NPTX2: variants seen among roughly 807,000 people sequenced by gnomAD.
NPTX2 encodes the protein neuronal pentraxin-2.
Under a neutral mutation model 38.1 loss-of-function variants are expected in NPTX2, and 23 were observed. The observed-to-expected ratio is 0.60, with a 90% CI of 0.43 to 0.85. NPTX2 has a LOEUF of 0.85. NPTX2 is among the 40% of genes least tolerant of loss of function. NPTX2 has a pLI of 0.00. For synonymous variants in NPTX2, 291 were observed against 287.3 expected, an observed-to-expected ratio of 1.01 and a Z score of -0.13; for missense variants, 553 against 615.3, an observed-to-expected ratio of 0.90 and a Z score of 1.07.
At chr7:98,626,138 C>A (rs1299610049) in intron 3 of NPTX2, among the ~76,000 whole-genome samples, 9 of 138,358 alleles carry the variant, frequency 6.5e-5, no homozygotes, top group African/African-American at 2.6e-4. Context: ...CAGAGCGATA[C>A]CCTGTCTCAA....
intron 1 of NPTX2, among the ~76,000 whole-genome samples, chr7:98,618,140 G>T (rs1791204836): frequency 1.3e-5 from 2 of 152,218 alleles, no homozygotes; most frequent in Non-Finnish European, 2.9e-5. Context: ...CGTCGGGACT[G>T]CCAGCGGGAT....
At chr7:98,621,578 T>C (rs973217184) in intron 2 of NPTX2, among the ~76,000 whole-genome samples, 6 of 152,178 alleles carry the variant, frequency 3.9e-5, no homozygotes, top group Admixed American at 3.9e-4. Flanking sequence ...GCCCTCCACA[T>C]GTACTATGAT....
chr7:98,625,872 A>G (rs1326134550), intron 3 of NPTX2, among the ~76,000 whole-genome samples: 1 of 151,978 alleles, frequency 6.6e-6, no homozygotes, highest in Non-Finnish European at 1.5e-5. Flanking sequence ...AGGGCTGGGC[A>G]TGGTAGCTCA....
Position 98,629,356 on chromosome 7 carries a change from G to A in NPTX2, c.*727G>A, listed in dbSNP as rs1201976701. On this transcript the variant is annotated 3_prime_UTR_variant, in exon 5 of 5. Coordinates refer to ENST00000265634, the MANE Select transcript of NPTX2 (RefSeq NM_002523.3). ...CTTTGACTGAATCATCACTAGCTAT[G>A]GCATTAAAAGGCCTCTCTTCTCATC... The A allele has an allele frequency of 2.0e-5, 3 of 152,560 alleles. No homozygotes were observed. Among genetic ancestry groups the A allele is most frequent in the Non-Finnish European group, 4.4e-5 (3 of 68,054 alleles). 9.5% of individuals were successfully genotyped at this position (152,560 alleles called of 1,614,324 possible). A position where few individuals can be genotyped will look rare whatever the true frequency, so the allele number is the denominator to read the frequency against.
At chr7:98,621,185 C>G (rs1295165975) in intron 2 of NPTX2, among the ~76,000 whole-genome samples, 1 of 152,106 alleles carries the variant, frequency 6.6e-6, no homozygotes, top group Non-Finnish European at 1.5e-5. Flanking sequence ...ATGGCTTTGG[C>G]CACCCAGAAG....
chr7:98,627,349 G>T lies in NPTX2; in HGVS notation c.1068+5G>T. 6.2e-7 allele frequency: 1 copy of T among 1,612,484 alleles called. No individual in the cohort carries two copies. The highest frequency in any genetic ancestry group is 8.5e-7 in the Non-Finnish European group (1 of 1,179,544). ...CTGATCCTTGGACAAGAGCAGGTGGGTGCAGGGCAGGTGCAGGTGGGCACA... is the reference window on the plus strand; with the variant it reads ...CTGATCCTTGGACAAGAGCAGGTGGTTGCAGGGCAGGTGCAGGTGGGCACA... On this transcript the variant is annotated splice_donor_5th_base_variant and intron_variant, in intron 4 of 4. Coordinates refer to ENST00000265634, the MANE Select transcript of NPTX2 (RefSeq NM_002523.3).
At chr7:98,623,769 G>A (rs890582951) in intron 2 of NPTX2, among the ~76,000 whole-genome samples, 5 of 152,118 alleles carry the variant, frequency 3.3e-5, no homozygotes, top group African/African-American at 1.2e-4. Context: ...GGGTGCCTGG[G>A]TCCCTGTAAG....
rs1415396475 is a variant in NPTX2 at position 98,625,158 on chromosome 7, A to G, written c.880A>G (p.Asn294Asp). The change falls in exon 3 of 5, where the codon AAC (asparagine) becomes GAC (aspartate). Residue 294 changes from asparagine (N) to aspartate (D), a missense_variant. Asn to Asp is a conservative substitution (Grantham distance 23). Coordinates refer to ENST00000265634, the MANE Select transcript of NPTX2 (RefSeq NM_002523.3). ...CAACAACCCCATCGAGCTGCTCATC[A>G]ACGACAAGGTGAGGCCCGCCTGCAC... ...WGNNPIELLI[N>D]DKVAQLPLFV... 6 of 1,589,950 alleles carry G rather than the reference A, an allele frequency of 3.8e-6. No individual in the cohort carries two copies. The highest frequency in any genetic ancestry group is 5.2e-6 in the Non-Finnish European group (6 of 1,164,294).
chr7:98,619,951 T>A lies in NPTX2; in HGVS notation c.643+92T>A, dbSNP rs571893752. 2.4e-5 allele frequency: 27 copies of A among 1,117,656 alleles called. No homozygotes were observed. The East Asian group carries it at 6.9e-4, about 29-fold the overall frequency. The allele number at this position is 1,117,656 out of a possible 1,614,324, so 69.2% of individuals were successfully genotyped here. On this transcript the variant is annotated intron_variant, in intron 2 of 4. Coordinates refer to ENST00000265634, the MANE Select transcript of NPTX2 (RefSeq NM_002523.3). ...GATTCTGGTTGATGGACAGCAGGGA[T>A]TGTGACACCACATGGGCCTGGTTCC...
At chr7:98,624,569 T>TCTTTCCAGGC (rs1276333845) in intron 2 of NPTX2, among the ~76,000 whole-genome samples, 1 of 152,084 alleles carries the variant, frequency 6.6e-6, no homozygotes, top group Non-Finnish European at 1.5e-5. Flanking sequence ...CTTCTGCAGG[T>TCTTTCCAGGC]CTTTCCAGGC....
At position 98,618,257 on chromosome 7, in the gene NPTX2, T is replaced by C. The variant is rs368043105; in HGVS notation, c.426+370T>C. 9.9e-5 allele frequency among the ~76,000 whole-genome samples: 15 copies of C among 151,690 alleles called. No homozygotes were observed. The South Asian group carries it at 2.7e-3, about 27-fold the overall frequency. ...CTCTATCCTCTTGCAAATCTCCAAA[T>C]CTCCGCGAGCCGGGATGCGCTCCCG... On this transcript the variant is annotated intron_variant, in intron 1 of 4. Transcript: ENST00000265634.
At position 98,625,050 on chromosome 7, in the gene NPTX2, T is replaced by C. The variant is rs775537036; in HGVS notation, c.772T>C (p.Ser258Pro). Residue 258 changes from serine to proline, a missense_variant, in exon 3 of 5, where the codon TCC becomes CCC. Ser to Pro is a moderately conservative substitution (Grantham distance 74, BLOSUM62 -1). Transcript: ENST00000265634. ...CTTCACCATCTGCCTGTGGCTGCGG[T>C]CCAGCGCCTCACCAGGCATTGGCAC... ...YAFTICLWLR[S>P]SASPGIGTPF... 1.9e-6 allele frequency: 3 copies of C among 1,613,408 alleles called. No homozygotes were observed. In the East Asian group the frequency reaches 6.7e-5, roughly 36 times the overall value.
Position 98,617,620 on chromosome 7 carries a change from G to C in NPTX2, c.159G>C (p.Gln53His). ...CGATGCCCATGCAGGGCGGCGCGCA[G>C]AGTCCCGAGGAGGAGCTGAGGGCCG... ...LPAMPMQGGA[Q>H]SPEEELRAAV... The change falls in exon 1 of 5, where the codon CAG (glutamine) becomes CAC (histidine). Residue 53 changes from glutamine to histidine, a missense_variant. Coordinates refer to ENST00000265634, the MANE Select transcript of NPTX2 (RefSeq NM_002523.3). The C allele has an allele frequency of 6.7e-7, 1 of 1,489,304 alleles. No individual in the cohort carries two copies. The highest frequency in any genetic ancestry group is 8.9e-7 in the Non-Finnish European group (1 of 1,127,698). 92.3% of individuals were successfully genotyped at this position (1,489,304 alleles called of 1,614,324 possible). A position where few individuals can be genotyped will look rare whatever the true frequency, so the allele number is the denominator to read the frequency against.
chr7:98,623,229 G>A (rs1791297603), intron 2 of NPTX2, among the ~76,000 whole-genome samples: 1 of 152,148 alleles, frequency 6.6e-6, no homozygotes, highest in Non-Finnish European at 1.5e-5. Context: ...TCAACGGCAG[G>A]GTCTGGTTCT....
Position 98,624,970 on chromosome 7 carries a change from T to G in NPTX2, c.692T>G (p.Leu231Arg). 6.2e-7 allele frequency: 1 copy of G among 1,613,820 alleles called. No individual in the cohort carries two copies. Among genetic ancestry groups the G allele is most frequent in the Non-Finnish European group, 8.5e-7 (1 of 1,179,988 alleles). Residue 231 changes from leucine (L) to arginine (R), a missense_variant, in exon 3 of 5, where the codon CTC (leucine) becomes CGC (arginine). By Grantham distance (102) the Leu-to-Arg change is moderately radical. Coordinates refer to ENST00000265634, the MANE Select transcript of NPTX2 (RefSeq NM_002523.3). ...SPDAFKVSLP[L>R]RTNYLYGKIK... ...GATGCGTTCAAGGTGTCCCTCCCAC[T>G]CCGCACAAACTACCTATACGGCAAG...
At chr7:98,627,853 G>A (rs1244742625) in intron 4 of NPTX2, among the ~76,000 whole-genome samples, 1 of 152,202 alleles carries the variant, frequency 6.6e-6, no homozygotes, top group Non-Finnish European at 1.5e-5. Flanking sequence ...GGGGCACTTA[G>A]GTAATCCATA....
intron 1 of NPTX2, 106 bp downstream of exon 1, chr7:98,617,993 G>A: frequency 8.6e-7 from 1 of 1,159,596 alleles, no homozygotes; most frequent in Non-Finnish European, 1.2e-6. Context: ...TGGGGAGGGT[G>A]TGATCGTCCG....
chr7:98,628,142 C>T (rs780384973), intron 4 of NPTX2, among the ~76,000 whole-genome samples: 2 of 152,128 alleles, frequency 1.3e-5, no homozygotes, highest in African/African-American at 2.4e-5. Context: ...AGTCATGAGA[C>T]CTGGCTCTGA....
intron 2 of NPTX2, among the ~76,000 whole-genome samples, chr7:98,620,393 C>T (rs1791252989): frequency 6.6e-6 from 1 of 152,086 alleles, no homozygotes; most frequent in South Asian, 2.1e-4. Flanking sequence ...TGCCCAATAG[C>T]AGAACATCCA....
Sources: allele counts gnomAD v4.1 joint callset (sites outside exome capture counted in the v4.1 genomes callset), GRCh38; gene constraint gnomAD v4.1.1; transcripts MANE v1.5; gene names NCBI Gene and HGNC (gene_info 2026-07-23, HGNC 2026-07-21).